The following HSDL2 variants were observed in gnomAD, a reference collection of about 807,000 sequenced individuals.
HSDL2 encodes hydroxysteroid dehydrogenase like 2.
HSDL2 carries 27 observed loss-of-function variants against 46.3 expected under a neutral mutation model. That is an observed-to-expected ratio of 0.58 (90% CI 0.43 to 0.80). The LOEUF (loss-of-function observed/expected upper bound fraction) is 0.80, where lower values mean the gene tolerates loss of function less well. Ranked by LOEUF, HSDL2 falls within the 30% of genes least tolerant of loss-of-function variation. HSDL2 has a pLI of 0.00. For synonymous variants in HSDL2, 153 were observed against 163.6 expected (o/e 0.94, Z 0.50); for missense variants, 451 against 502.7 (o/e 0.90, Z 0.98).
intron 1 of HSDL2, among the ~76,000 whole-genome samples, chr9:112,386,813 GC>G (rs780603462): frequency 2.6e-5 from 4 of 152,062 alleles, no homozygotes; most frequent in Admixed American, 6.6e-5. Flanking sequence ...TTCTACACGA[GC>G]AAAAATCTGC....
At chr9:112,386,315 G>C (rs1317641532) in intron 1 of HSDL2, among the ~76,000 whole-genome samples, 1 of 151,962 alleles carries the variant, frequency 6.6e-6, no homozygotes, top group Non-Finnish European at 1.5e-5. Flanking sequence ...GTAACCTTTA[G>C]TAAATAAGGT....
intron 8 of HSDL2, among the ~76,000 whole-genome samples, chr9:112,442,082 C>T (rs555876089): frequency 1.5e-4 from 23 of 150,866 alleles, no homozygotes; most frequent in African/African-American, 3.9e-4. Flanking sequence ...GGCAACATGG[C>T]GAAACCCCGT....
chr9:112,421,807 C>T (rs977205711), intron 6 of HSDL2, among the ~76,000 whole-genome samples: 7 of 152,134 alleles, frequency 4.6e-5, no homozygotes, highest in East Asian at 3.8e-4. Context: ...ATGTCCCTGC[C>T]GTCCCTCCCT....
chr9:112,437,132 G>A (rs1342932740), intron 6 of HSDL2, among the ~76,000 whole-genome samples: 1 of 151,546 alleles, frequency 6.6e-6, no homozygotes, highest in African/African-American at 2.4e-5. Flanking sequence ...GCTAATTTTT[G>A]TATTTTTAGT....
intron 1 of HSDL2, among the ~76,000 whole-genome samples, chr9:112,390,690 C>T (rs1027901821): frequency 1.3e-5 from 2 of 151,954 alleles, no homozygotes; most frequent in Admixed American, 6.6e-5. Flanking sequence ...TGGGCTCAAT[C>T]GATCCTCCCA....
chr9:112,430,737 G>A (rs1393370924), intron 6 of HSDL2, among the ~76,000 whole-genome samples: 2 of 152,086 alleles, frequency 1.3e-5, no homozygotes, highest in African/African-American at 4.8e-5. Flanking sequence ...GTGAGAGAAA[G>A]AGTCAACAGT....
At chr9:112,386,619 C>CAAA (rs752755307) in intron 1 of HSDL2, among the ~76,000 whole-genome samples, 19,581 of 145,002 alleles carry the variant, frequency 0.14, 1,844 homozygotes, top group East Asian at 0.22. Context: ...CTGTCTCTAC[C>CAAA]AAAAAAAAAT....
At chr9:112,419,427 C>A (rs1008085535) in intron 6 of HSDL2, among the ~76,000 whole-genome samples, 2 of 152,146 alleles carry the variant, frequency 1.3e-5, no homozygotes, top group Non-Finnish European at 2.9e-5. Context: ...ACATAAGATC[C>A]TTTTCAATCA....
Position 112,471,085 on chromosome 9 carries a change from T to C in HSDL2, c.*541T>C, listed in dbSNP as rs1197094602. On this transcript the variant is annotated 3_prime_UTR_variant, in exon 11 of 11. Transcript: ENST00000398805. The stretch of plus-strand genomic sequence containing the variant: ...TAATTTTTCATTTTGATAACTAGCT[T>C]TCCAGGTGGACTTAGCCATAGGAAA... 1 of 152,236 alleles carries C rather than the reference T, an allele frequency of 6.6e-6. No homozygotes were observed. The highest frequency in any genetic ancestry group is 6.5e-5 in the Admixed American group (1 of 15,282). The allele number at this position is 152,236 out of a possible 1,614,324, so 9.4% of individuals were successfully genotyped here.
intron 8 of HSDL2, among the ~76,000 whole-genome samples, chr9:112,445,200 T>C (rs1163579384): frequency 1.3e-5 from 2 of 152,016 alleles, no homozygotes; most frequent in Admixed American, 1.3e-4. Context: ...AGTTACAGTT[T>C]TAATTGCTTC....
intron 6 of HSDL2, 141 bp from the exon 7 acceptor site, chr9:112,438,290 A>G (rs1404367046): frequency 1.6e-6 from 1 of 624,080 alleles, no homozygotes; most frequent in Non-Finnish European, 2.4e-6. Flanking sequence ...CCCTTAAGCA[A>G]TCTGGACTTT....
chr9:112,416,718 G>A (rs1832004235), intron 4 of HSDL2, 123 bp from the exon 5 acceptor site: 1 of 513,152 alleles, frequency 1.9e-6, no homozygotes, highest in African/African-American at 2.0e-5. Context: ...AGGCTTTAGT[G>A]AACTGTGATC....
Position 112,409,029 on chromosome 9 carries a change from T to C in HSDL2, c.395+8T>C, listed in dbSNP as rs77339398. 3.2e-3 allele frequency: 4,767 copies of C among 1,502,586 alleles called. 147 individuals are homozygous for C. The African/African-American group carries it at 0.058, about 18-fold the overall frequency. The allele number at this position is 1,502,586 out of a possible 1,614,324, so 93.1% of individuals were successfully genotyped here. A position where few individuals can be genotyped will look rare whatever the true frequency, so the allele number is the denominator to read the frequency against. On this transcript the variant is annotated splice_region_variant and intron_variant, in intron 4 of 10. Coordinates refer to ENST00000398805, the MANE Select transcript of HSDL2 (RefSeq NM_032303.5). Reference sequence around the variant, plus strand: ...CAGAGGCACCTACCTTGCGTAAGTTTGCAAGAAGAGTTGTTGGGGAGGAAG... The same window carrying C: ...CAGAGGCACCTACCTTGCGTAAGTTCGCAAGAAGAGTTGTTGGGGAGGAAG...
intron 8 of HSDL2, among the ~76,000 whole-genome samples, chr9:112,443,640 G>T (rs1051981756): frequency 6.6e-6 from 1 of 152,204 alleles, no homozygotes; most frequent in East Asian, 1.9e-4. Flanking sequence ...TGAAGCAGGA[G>T]GATCCCTTGA....
At chr9:112,444,834 GTTTTTTTTTT>G in intron 8 of HSDL2, among the ~76,000 whole-genome samples, 2 of 79,658 alleles carry the variant, frequency 2.5e-5, no homozygotes, top group African/African-American at 1.1e-4. Flanking sequence ...ACTCAGTCTT[GTTTTTTTTTT>G]TTTTTTTTTT....
Position 112,380,182 on chromosome 9 carries a change from T to TAAGG in HSDL2, c.17+3_17+6dup, listed in dbSNP as rs1831048670. 6.4e-7 allele frequency: 1 copy of TAAGG among 1,567,718 alleles called. No homozygotes were observed. Among genetic ancestry groups the TAAGG allele is most frequent in the Non-Finnish European group, 8.6e-7 (1 of 1,156,734 alleles). On this transcript the variant is annotated splice_region_variant and intron_variant, in intron 1 of 10. Coordinates refer to ENST00000398805, the MANE Select transcript of HSDL2 (RefSeq NM_032303.5). ...GAAAGTCATGTTACCCAACACCGGG[T>TAAGG]AAGGGGGTAGGGGCGGCGCGGGGAG... is the stretch of plus-strand genomic sequence containing the variant.
At chr9:112,415,266 G>C (rs1257549186) in intron 4 of HSDL2, among the ~76,000 whole-genome samples, 3 of 152,150 alleles carry the variant, frequency 2.0e-5, no homozygotes, top group Non-Finnish European at 4.4e-5. Context: ...TTCCAATGTA[G>C]TAGAAGTACT....
At chr9:112,424,562 C>T (rs1832205488) in intron 6 of HSDL2, among the ~76,000 whole-genome samples, 1 of 151,824 alleles carries the variant, frequency 6.6e-6, no homozygotes, top group African/African-American at 2.4e-5. Flanking sequence ...CTCTAGCCTT[C>T]ACCAGTAGTT....
At chr9:112,416,756 G>C (rs1587942544) in intron 4 of HSDL2, 85 bp from the exon 5 acceptor site, 4 of 666,006 alleles carry the variant, frequency 6.0e-6, no homozygotes, top group Non-Finnish European at 1.1e-5. Context: ...CTGGGCAACA[G>C]AGCAAGGCCC....
Sources: allele counts gnomAD v4.1 joint callset (sites outside exome capture counted in the v4.1 genomes callset), GRCh38; gene constraint gnomAD v4.1.1; transcripts MANE v1.5; gene names NCBI Gene and HGNC (gene_info 2026-07-23, HGNC 2026-07-21).